CLSPN: variants seen among roughly 807,000 people sequenced by gnomAD.
CLSPN encodes claspin.
CLSPN carries 85 observed loss-of-function variants against 156.3 expected under a neutral mutation model. The observed-to-expected ratio is 0.54, with a 90% CI of 0.46 to 0.65. The LOEUF (loss-of-function observed/expected upper bound fraction) is 0.65, where lower values mean the gene tolerates loss of function less well. Among genes scored for constraint, CLSPN ranks in the 30% least tolerant of loss-of-function variants. CLSPN has a pLI of 0.00. For missense variants in CLSPN, 1,407 were observed against 1,554.9 expected (o/e 0.90, Z 1.60); for synonymous variants, 534 against 542.4 (o/e 0.98, Z 0.22).
Position 35,744,672 on chromosome 1 carries a change from T to C in CLSPN, c.2966+779A>G, listed in dbSNP as rs368206920. 2.0e-5 allele frequency among the ~76,000 whole-genome samples: 3 copies of C among 152,136 alleles called. No individual in the cohort carries two copies. In the South Asian group the frequency reaches 6.2e-4, roughly 31 times the overall value. ...TTACCCATTCATTTGCCAATAAACA[T>C]AGGTCGCTTTCATGTTTTGACTACT... On this transcript the variant is annotated intron_variant, in intron 16 of 24. Coordinates refer to ENST00000318121, the MANE Select transcript of CLSPN (RefSeq NM_022111.4).
chr1:35,753,667 A>G, intron 9 of CLSPN, 78 bp downstream of exon 9: 1 of 1,350,040 alleles, frequency 7.4e-7, no homozygotes, highest in Non-Finnish European at 1.0e-6. Context: ...ACTTTTCATT[A>G]TAAGGTTTTC....
intron 17 of CLSPN, 99 bp from the exon 18 acceptor site, chr1:35,743,340 AT>A: frequency 2.2e-6 from 3 of 1,371,400 alleles, no homozygotes; most frequent in Non-Finnish European, 3.1e-6. Flanking sequence ...ATTCTAGGAA[AT>A]TGTTTCTGAT....
rs56311745 is a variant in CLSPN at position 35,737,364 on chromosome 1, G to A, written c.3722C>T (p.Ala1241Val). The A allele has an allele frequency of 4.9e-4, 783 of 1,613,936 alleles. No individual in the cohort carries two copies. Among genetic ancestry groups the A allele is most frequent in the Non-Finnish European group, 6.3e-4 (749 of 1,179,834 alleles). Reference sequence around the variant, plus strand: ...CTGTTGAGCACTTCCTGGTCTGATGGCTTCAAAAGGATTTCTGAGCAAAGA... The same window carrying A: ...CTGTTGAGCACTTCCTGGTCTGATGACTTCAAAAGGATTTCTGAGCAAAGA... ...SKSLLRNPFEAIRPGSAQQVK... is the reference protein window; with the variant it reads ...SKSLLRNPFEVIRPGSAQQVK... The change falls in exon 23 of 25, where the codon GCC becomes GTC. Residue 1241 changes from alanine to valine, a missense_variant. By Grantham distance (64) the Ala-to-Val change is moderately conservative. Transcript: ENST00000318121.
At chr1:35,722,151 TTAAAA>T (rs762137300) in intron 24 of CLSPN, among the ~76,000 whole-genome samples, 3 of 150,532 alleles carry the variant, frequency 2.0e-5, no homozygotes, top group Non-Finnish European at 3.0e-5. Flanking sequence ...AAAAAAAAAA[TTAAAA>T]TAAAATAAAT....
chr1:35,763,953 C>A (rs1571222407), intron 3 of CLSPN, among the ~76,000 whole-genome samples: 1 of 152,024 alleles, frequency 6.6e-6, no homozygotes, highest in African/African-American at 2.4e-5. Context: ...ACTACGGCCA[C>A]CACACCCAAC....
intron 4 of CLSPN, among the ~76,000 whole-genome samples, chr1:35,762,880 C>T (rs1420839339): frequency 6.6e-6 from 1 of 152,060 alleles, no homozygotes; most frequent in African/African-American, 2.4e-5. Context: ...TACATCTCTT[C>T]CCTATTATTT....
intron 8 of CLSPN, among the ~76,000 whole-genome samples, chr1:35,755,021 C>T (rs1642224214): frequency 6.6e-6 from 1 of 152,170 alleles, no homozygotes; most frequent in African/African-American, 2.4e-5. Flanking sequence ...GTGATGAGAG[C>T]TGGCAGTTTT....
downstream of CLSPN, among the ~76,000 whole-genome samples, chr1:35,731,949 T>C (rs1318605567): frequency 1.3e-5 from 2 of 152,212 alleles, no homozygotes; most frequent in African/African-American, 4.8e-5. Context: ...TTTCTTTCAT[T>C]CTCAAAGGAG....
At chr1:35,749,388 C>T in intron 12 of CLSPN, 79 bp downstream of exon 12, 1 of 1,324,772 alleles carries the variant, frequency 7.5e-7, no homozygotes, top group Non-Finnish European at 1.1e-6. Context: ...AACATGGAAA[C>T]TTACCGTACT....
At chr1:35,766,750 A>G (rs963426143) in intron 1 of CLSPN, among the ~76,000 whole-genome samples, 2 of 150,612 alleles carry the variant, frequency 1.3e-5, no homozygotes, top group African/African-American at 4.9e-5. Context: ...GGCTATATGT[A>G]TATTTCCTTT....
chr1:35,746,980 A>G lies in CLSPN; in HGVS notation c.2640T>C (p.Val880=), dbSNP rs1641904300. The change falls in exon 15 of 25, where the codon GTT becomes GTC. Residue 880 remains valine, a synonymous_variant. Coordinates refer to ENST00000318121, the MANE Select transcript of CLSPN (RefSeq NM_022111.4). The surrounding 1 kb of genome is among the most constrained non-coding windows in gnomAD (Gnocchi z 4.2). Reference sequence around the variant, plus strand: ...CTTGGTACTGATTCCTGTGGTTTCTAACATTTAAGAACCTAAGAACCAATG... The same window carrying G: ...CTTGGTACTGATTCCTGTGGTTTCTGACATTTAAGAACCTAAGAACCAATG... The part of the protein sequence containing the change: ...QLLDADGFLN[V]RNHRNQYQAL... The G allele has an allele frequency of 1.2e-6, 2 of 1,613,648 alleles. No individual in the cohort carries two copies. The highest frequency in any genetic ancestry group is 1.7e-6 in the Non-Finnish European group (2 of 1,179,588).
Position 35,760,615 on chromosome 1 carries a change from C to T in CLSPN, c.1306G>A (p.Gly436Arg), listed in dbSNP as rs1389154685. ...SVLQQESNFL[G>R]NNHSEECQVG... ...TGACATTCCTCACTGTGATTGTTCC[C>T]GAGGAAGTTGGATTCCTGTTGCAAC... The change falls in exon 8 of 25, where the codon GGG becomes AGG. Residue 436 changes from glycine (G) to arginine (R), a missense_variant. By Grantham distance (125) the Gly-to-Arg change is moderately radical (BLOSUM62 -2). Transcript: ENST00000318121. The T allele has an allele frequency of 6.2e-7, 1 of 1,614,166 alleles. No individual in the cohort carries two copies. The highest frequency in any genetic ancestry group is 8.5e-7 in the Non-Finnish European group (1 of 1,180,042).
chr1:35,765,087 T>G, intron 2 of CLSPN, 131 bp downstream of exon 2: 2 of 633,420 alleles, frequency 3.2e-6, no homozygotes, highest in South Asian at 4.2e-5. Context: ...ATTTTGCTTT[T>G]ATAATAAAAC....
At chr1:35,761,627 T>C (rs141376801) in intron 6 of CLSPN, among the ~76,000 whole-genome samples, 2,098 of 152,288 alleles carry the variant, frequency 0.014, 59 homozygotes, top group African/African-American at 0.048. Context: ...AGGCAGGTAA[T>C]GTATACAGCG....
In CLSPN at chr1:35,763,237, T is replaced by G. The variant is rs146655730; in HGVS notation, c.667A>C (p.Asn223His). The G allele has an allele frequency of 6.2e-7, 1 of 1,610,108 alleles. No homozygotes were observed. The highest frequency in any genetic ancestry group is 2.2e-5 in the East Asian group (1 of 44,578). Residue 223 changes from asparagine to histidine, a missense_variant, in exon 4 of 25, where the codon AAT (asparagine) becomes CAT (histidine). Asn to His is a moderately conservative substitution (Grantham distance 68, BLOSUM62 1). Transcript: ENST00000318121. ...DLFETGLEDENNSPLEDEESL... is the reference protein window; with the variant it reads ...DLFETGLEDEHNSPLEDEESL... ...TCTTCATCTTCCAATGGAGAGTTAT[T>G]TTCATCCTCCAACCCAGTTTCAAAA... is the stretch of plus-strand genomic sequence containing the variant.
rs1489777867 is a variant in CLSPN at position 35,732,777 on chromosome 1, A to C, written c.*3719T>G. The stretch of plus-strand genomic sequence containing the variant: ...AAAACATAACTGATGCTGCTGGCTC[A>C]GTGCTTTGGGCAAAGGGCATATGGG... On this transcript the variant is annotated 3_prime_UTR_variant, in exon 25 of 25. Transcript: ENST00000318121. 1.0e-6 allele frequency: 1 copy of C among 985,268 alleles called. No individual in the cohort carries two copies. Among genetic ancestry groups the C allele is most frequent in the Non-Finnish European group, 1.2e-6 (1 of 829,930 alleles). 61.0% of individuals were successfully genotyped at this position (985,268 alleles called of 1,614,324 possible). A position where few individuals can be genotyped will look rare whatever the true frequency, so the allele number is the denominator to read the frequency against.
intron 16 of CLSPN, 70 bp from the exon 17 acceptor site, chr1:35,743,600 G>T (rs1286548300): frequency 1.6e-6 from 2 of 1,269,594 alleles, no homozygotes; most frequent in Non-Finnish European, 2.2e-6. Flanking sequence ...GCCAAGTTAT[G>T]AATTAAAAAA....
chr1:35,755,960 T>A (rs892763680), intron 8 of CLSPN, among the ~76,000 whole-genome samples: 12 of 152,082 alleles, frequency 7.9e-5, no homozygotes, highest in East Asian at 1.9e-4. Flanking sequence ...CCCACCTTAG[T>A]CTCCCAAAGT....
downstream of CLSPN, among the ~76,000 whole-genome samples, chr1:35,730,613 G>T (rs1641292758): frequency 6.7e-6 from 1 of 148,242 alleles, no homozygotes; most frequent in African/African-American, 2.5e-5. Flanking sequence ...TCAAACAGAG[G>T]TAACCTAATT....
Sources: allele counts gnomAD v4.1 joint callset (sites outside exome capture counted in the v4.1 genomes callset), GRCh38; gene constraint gnomAD v4.1.1; non-coding constraint Gnocchi (gnomAD v3.1); transcripts MANE v1.5; gene names NCBI Gene and HGNC (gene_info 2026-07-23, HGNC 2026-07-21).